The following FAM193A variants were observed in gnomAD, a reference collection of about 807,000 sequenced individuals.
FAM193A encodes family with sequence similarity 193 member A.
In FAM193A, 22 loss-of-function variants were observed where a neutral mutation model predicts 126.5. That is an observed-to-expected ratio of 0.17 (90% CI 0.12 to 0.25). The LOEUF is 0.25. FAM193A is among the 10% of genes least tolerant of loss of function. The pLI, the probability that FAM193A is intolerant of heterozygous loss-of-function variation, is 1.00. For synonymous variants in FAM193A, 761 were observed against 646.8 expected (o/e 1.18, Z -2.68); for missense variants, 1,675 against 1,672.8 (o/e 1.00, Z -0.02).
At chr4:2,601,227 CTTTTTT>C (rs1201989388) in intron 2 of FAM193A, among the ~76,000 whole-genome samples, 4 of 110,668 alleles carry the variant, frequency 3.6e-5, no homozygotes, top group Admixed American at 1.0e-4. Context: ...TCTTCTTCTT[CTTTTTT>C]TTTTTTTTTT....
In FAM193A at chr4:2,700,395, A is replaced by C; in HGVS notation, c.4223A>C (p.Asp1408Ala). Residue 1408 changes from aspartate to alanine, a missense_variant, in exon 19 of 21, where the codon GAC becomes GCC. Asp to Ala is a moderately radical substitution (Grantham distance 126, BLOSUM62 -2). Coordinates refer to ENST00000637812, the MANE Select transcript of FAM193A (RefSeq NM_001366318.2). The stretch of plus-strand genomic sequence containing the variant: ...AAAAAGCAGCTGAACCACATCAAGG[A>C]CGAAAAGTCAAACCCAACCCCTATG... ...NNKKQLNHIK[D>A]EKSNPTPMEP... 2 of 1,614,180 alleles carry C rather than the reference A, an allele frequency of 1.2e-6. No individual in the cohort carries two copies. The highest frequency in any genetic ancestry group is 1.7e-6 in the Non-Finnish European group (2 of 1,180,030).
At chr4:2,724,885 A>G (rs1201597504) in intron 20 of FAM193A, among the ~76,000 whole-genome samples, 2 of 152,068 alleles carry the variant, frequency 1.3e-5, no homozygotes, top group African/African-American at 4.8e-5. Flanking sequence ...TGAATTTTTT[A>G]ACTTTTTGAG....
Position 2,706,850 on chromosome 4 carries a change from C to T in FAM193A, c.4372+6306C>T, listed in dbSNP as rs781597941. ...CCATTTAAAAAAAGCTTGTTGGGGC[C>T]GGGCTCACACCTGTAATCCCAGCAC... On this transcript the variant is annotated intron_variant, in intron 19 of 20. Transcript: ENST00000637812. Among the ~76,000 whole-genome samples the T allele has an allele frequency of 2.0e-5, 3 of 151,352 alleles. No individual in the cohort carries two copies. In the East Asian group the frequency reaches 5.8e-4, roughly 29 times the overall value.
At chr4:2,575,009 C>A (rs1430036216) in intron 1 of FAM193A, among the ~76,000 whole-genome samples, 1 of 152,174 alleles carries the variant, frequency 6.6e-6, no homozygotes, top group African/African-American at 2.4e-5. Flanking sequence ...ACTTCTTCCT[C>A]TTCCTCTTTC....
At chr4:2,581,843 C>G (rs1739959724) in intron 1 of FAM193A, among the ~76,000 whole-genome samples, 1 of 151,430 alleles carries the variant, frequency 6.6e-6, no homozygotes, top group Admixed American at 6.6e-5. Flanking sequence ...TTAGTAGAGA[C>G]AGGGTTTCGC....
intron 19 of FAM193A, among the ~76,000 whole-genome samples, chr4:2,706,735 T>C (rs1456586322): frequency 6.6e-6 from 1 of 151,358 alleles, no homozygotes; most frequent in South Asian, 2.1e-4. Context: ...CGTAGGGCTG[T>C]TCTCTCCTCA....
intron 7 of FAM193A, among the ~76,000 whole-genome samples, chr4:2,655,880 G>A (rs1711611657): frequency 6.6e-6 from 1 of 152,178 alleles, no homozygotes; most frequent in African/African-American, 2.4e-5. Context: ...AGTAAGTTGT[G>A]ATCATACCAC....
intron 7 of FAM193A, among the ~76,000 whole-genome samples, chr4:2,652,286 T>C (rs930293610): frequency 3.3e-5 from 5 of 152,180 alleles, no homozygotes; most frequent in Non-Finnish European, 7.3e-5. Flanking sequence ...TCTGGAAGCT[T>C]TTCTGAATGG....
chr4:2,605,782 G>A (rs1741498283), intron 2 of FAM193A, among the ~76,000 whole-genome samples: 1 of 151,974 alleles, frequency 6.6e-6, no homozygotes, highest in African/African-American at 2.4e-5. Context: ...GACCAGCCTG[G>A]CCAACATGGC....
chr4:2,664,403 G>T (rs1490390611), intron 12 of FAM193A, among the ~76,000 whole-genome samples: 9 of 152,068 alleles, frequency 5.9e-5, no homozygotes, highest in African/African-American at 2.2e-4. Context: ...GTAAATGTAA[G>T]AGTTTATATT....
At chr4:2,619,816 G>A (rs1742433776) in intron 2 of FAM193A, among the ~76,000 whole-genome samples, 1 of 152,034 alleles carries the variant, frequency 6.6e-6, no homozygotes, top group African/African-American at 2.4e-5. Flanking sequence ...TCAACCTCTC[G>A]AGTGGCTGGG....
At chr4:2,691,118 A>C in intron 15 of FAM193A, 148 bp downstream of exon 15, 1 of 679,194 alleles carries the variant, frequency 1.5e-6, no homozygotes, top group African/African-American at 1.8e-5. Flanking sequence ...ATGCTCACAC[A>C]CAGAGAGCTG....
intron 2 of FAM193A, among the ~76,000 whole-genome samples, chr4:2,606,226 T>G (rs1741543419): frequency 6.6e-6 from 1 of 151,542 alleles, no homozygotes; most frequent in African/African-American, 2.4e-5. Flanking sequence ...AATTTTTGTA[T>G]TTTTGGTAGA....
chr4:2,602,684 GGA>G (rs1741270970), intron 2 of FAM193A, among the ~76,000 whole-genome samples: 2 of 151,746 alleles, frequency 1.3e-5, no homozygotes, highest in Non-Finnish European at 2.9e-5. Flanking sequence ...GTTTTGTGAC[GGA>G]ATCTCGCTCT....
chr4:2,590,070 G>C (rs558635786), intron 1 of FAM193A, among the ~76,000 whole-genome samples: 19 of 151,692 alleles, frequency 1.3e-4, no homozygotes, highest in African/African-American at 4.6e-4. Context: ...AGGAGGCGGA[G>C]GTTGCAATGA....
At chr4:2,700,641 G>A (rs1157225480) in intron 19 of FAM193A, 97 bp downstream of exon 19, 10 of 1,426,302 alleles carry the variant, frequency 7.0e-6, no homozygotes, top group South Asian at 4.2e-5. Context: ...GCATGCTCTC[G>A]CCATGTGGCC....
intron 19 of FAM193A, among the ~76,000 whole-genome samples, chr4:2,712,710 CCT>C (rs1474407926): frequency 5.9e-5 from 9 of 152,036 alleles, no homozygotes; most frequent in African/African-American, 2.2e-4. Context: ...TGGTCTCAAC[CCT>C]GTCATTATTT....
intron 2 of FAM193A, among the ~76,000 whole-genome samples, chr4:2,625,024 A>G (rs887464054): frequency 6.6e-6 from 1 of 152,122 alleles, no homozygotes. Flanking sequence ...CGCCCGGCCT[A>G]TTTTTTGTAT....
In FAM193A at chr4:2,690,474, C is replaced by T. The variant is rs542192077; in HGVS notation, c.2531-224C>T. Among the ~76,000 whole-genome samples, 4 of 152,320 alleles carry T rather than the reference C, an allele frequency of 2.6e-5. No individual in the cohort carries two copies. In the South Asian group the frequency reaches 8.3e-4, roughly 32 times the overall value. On this transcript the variant is annotated intron_variant, in intron 14 of 20. Coordinates refer to ENST00000637812, the MANE Select transcript of FAM193A (RefSeq NM_001366318.2). ...CCAACCTCAGAAAGTAATTTTAAGA[C>T]TTTACGTAACTTTGGAAAGCACCTA...
Sources: gnomAD v4.1 joint callset for allele counts (sites outside exome capture counted in the v4.1 genomes callset) on GRCh38, gnomAD v4.1.1 for gene constraint, MANE v1.5 for transcripts, NCBI Gene and HGNC (gene_info 2026-07-23, HGNC 2026-07-21) for gene names.